Variants in ANKRD36 observed in about 807,000 individuals in gnomAD.
The protein encoded by ANKRD36 is ankyrin repeat domain-containing protein 36A.
ANKRD36 carries 179 observed loss-of-function variants against 278.1 expected under a neutral mutation model. The observed-to-expected ratio is 0.64, with a 90% CI of 0.57 to 0.73. The LOEUF (loss-of-function observed/expected upper bound fraction) is 0.73, where lower values mean the gene tolerates loss of function less well. Ranked by LOEUF, ANKRD36 falls within the 30% of genes least tolerant of loss-of-function variation. ANKRD36 has a pLI of 0.00. For missense variants in ANKRD36, 1,159 were observed against 1,956.7 expected (o/e 0.59, Z 7.69); for synonymous variants, 320 against 641.1 (o/e 0.50, Z 7.57).
At position 97,200,537 on chromosome 2, in the gene ANKRD36, A is replaced by C. The variant is rs1398593137; in HGVS notation, c.2857+12A>C. 8 of 1,547,374 alleles carry C rather than the reference A, an allele frequency of 5.2e-6. No homozygotes were observed. Among genetic ancestry groups the C allele is most frequent in the African/African-American group, 1.4e-5 (1 of 73,092 alleles). On this transcript the variant is annotated intron_variant, in intron 46 of 75. Coordinates refer to ENST00000420699, the MANE Select transcript of ANKRD36 (RefSeq NM_001354587.1). ...AATATCTAGGAAAGGTAATTTTGCGAAACACATTTAATGTCATGTTCAGTC... is the reference window on the plus strand; with the variant it reads ...AATATCTAGGAAAGGTAATTTTGCGCAACACATTTAATGTCATGTTCAGTC...
At chr2:97,248,085 A>G (rs1171722530) in intron 72 of ANKRD36, 1 of 148,158 alleles carries the variant, frequency 6.7e-6, no homozygotes, top group Non-Finnish European at 1.4e-5. Context: ...TTCTGAATGT[A>G]TAAAGAACCT....
At chr2:97,260,416 A>C (rs1321977823) in intron 75 of ANKRD36, among the ~76,000 whole-genome samples, 4 of 128,222 alleles carry the variant, frequency 3.1e-5, no homozygotes, top group Non-Finnish European at 6.2e-5. Flanking sequence ...ACACATATAC[A>C]CACACACAAA....
At chr2:97,165,017 A>G (rs1365656404) in intron 20 of ANKRD36, among the ~76,000 whole-genome samples, 1 of 152,154 alleles carries the variant, frequency 6.6e-6, no homozygotes, top group Non-Finnish European at 1.5e-5. Flanking sequence ...ACAGTGTTTT[A>G]AAACAATGAT....
At chr2:97,173,890 G>A (rs1187337748) in intron 22 of ANKRD36, among the ~76,000 whole-genome samples, 1 of 150,468 alleles carries the variant, frequency 6.6e-6, no homozygotes, top group African/African-American at 2.4e-5. Flanking sequence ...TTTTTTGAAA[G>A]CTGTGTTTGC....
intron 52 of ANKRD36, among the ~76,000 whole-genome samples, chr2:97,206,839 A>G (rs1215138552): frequency 6.6e-6 from 1 of 151,518 alleles, no homozygotes; most frequent in African/African-American, 2.4e-5. Context: ...GATTTTAGGT[A>G]TAGAAATCAG....
At chr2:97,190,921 T>C (rs1164298998) in intron 34 of ANKRD36, 57 bp from the exon 35 acceptor site, 41 of 1,588,770 alleles carry the variant, frequency 2.6e-5, no homozygotes, top group Non-Finnish European at 3.3e-5. Context: ...TGTGAATGTA[T>C]GGATAACTTT....
At chr2:97,133,626 C>G (rs2153433216) in intron 6 of ANKRD36, among the ~76,000 whole-genome samples, 1 of 151,764 alleles carries the variant, frequency 6.6e-6, no homozygotes, top group East Asian at 1.9e-4. Flanking sequence ...GCTTTATGTA[C>G]TTTTATATAC....
chr2:97,124,180 A>T (rs2037875419), intron 4 of ANKRD36, among the ~76,000 whole-genome samples: 1 of 151,988 alleles, frequency 6.6e-6, no homozygotes, highest in Non-Finnish European at 1.5e-5. Context: ...TACTGTAGAT[A>T]GGTGGCCTGA....
intron 3 of ANKRD36, among the ~76,000 whole-genome samples, chr2:97,120,952 A>C (rs1268350015): frequency 1.3e-5 from 2 of 151,880 alleles, no homozygotes; most frequent in Non-Finnish European, 2.9e-5. Context: ...TGCTGTGCAG[A>C]GGTTGCCCCT....
chr2:97,145,366 C>T (rs986617928), intron 10 of ANKRD36, among the ~76,000 whole-genome samples: 9 of 151,880 alleles, frequency 5.9e-5, no homozygotes, highest in Non-Finnish European at 1.2e-4. Flanking sequence ...CACCTGTTTC[C>T]CCTCTTTGTT....
intron 6 of ANKRD36, among the ~76,000 whole-genome samples, chr2:97,134,606 T>C (rs1574719382): frequency 6.6e-6 from 1 of 152,244 alleles, no homozygotes; most frequent in South Asian, 2.1e-4. Flanking sequence ...GACTCACTTA[T>C]AACTAGGTTC....
At chr2:97,190,469 C>A (rs2153563956) in intron 34 of ANKRD36, among the ~76,000 whole-genome samples, 1 of 151,514 alleles carries the variant, frequency 6.6e-6, no homozygotes, top group Middle Eastern at 3.4e-3. Context: ...TAGGACACTT[C>A]CACTGAAGAG....
At position 97,131,625 on chromosome 2, in the gene ANKRD36, C is replaced by T. The variant is rs188617936; in HGVS notation, c.799+4491C>T. Among the ~76,000 whole-genome samples the T allele has an allele frequency of 1.6e-4, 25 of 152,118 alleles. No homozygotes were observed. In the East Asian group the frequency reaches 4.4e-3, roughly 27 times the overall value. On this transcript the variant is annotated intron_variant, in intron 6 of 75. Transcript: ENST00000420699. ...TAAATGCAGTTTTTGACTTTTTGAC[C>T]TGTTCTATGAAGAACTGCCCTTAAC...
At position 97,248,242 on chromosome 2, in the gene ANKRD36, A is replaced by G. The variant is rs974899803; in HGVS notation, c.5559+614A>G. 8 of 114,276 alleles carry G rather than the reference A, an allele frequency of 7.0e-5. 3 individuals are homozygous for G. The highest frequency in any genetic ancestry group is 4.8e-4 in the African/African-American group (8 of 16,796). 7.1% of individuals were successfully genotyped at this position (114,276 alleles called of 1,614,324 possible). Reference sequence around the variant, plus strand: ...CTCTATATGAATATGGACAGTTAGCATTTGCCAACATGTATCTATTTTCTC... The same window carrying G: ...CTCTATATGAATATGGACAGTTAGCGTTTGCCAACATGTATCTATTTTCTC... On this transcript the variant is annotated intron_variant, in intron 72 of 75. Coordinates refer to ENST00000420699, the MANE Select transcript of ANKRD36 (RefSeq NM_001354587.1).
chr2:97,144,120 AAT>A (rs1236710939), intron 8 of ANKRD36, among the ~76,000 whole-genome samples: 1 of 152,160 alleles, frequency 6.6e-6, no homozygotes, highest in African/African-American at 2.4e-5. Context: ...TAATGGTATA[AAT>A]CCCTCTGATG....
At chr2:97,208,062 C>T in intron 54 of ANKRD36, 56 bp downstream of exon 54, 1 of 1,434,686 alleles carries the variant, frequency 7.0e-7, no homozygotes, top group Non-Finnish European at 9.4e-7. Flanking sequence ...AAGAAGTTCT[C>T]TTCCCTGAAT....
intron 3 of ANKRD36, among the ~76,000 whole-genome samples, chr2:97,121,630 A>G (rs1000776217): frequency 2.0e-5 from 3 of 152,102 alleles, no homozygotes; most frequent in Non-Finnish European, 4.4e-5. Context: ...TGGGCGACAG[A>G]GCGAGACTCC....
intron 34 of ANKRD36, among the ~76,000 whole-genome samples, chr2:97,190,474 G>A (rs1343762381): frequency 1.3e-5 from 2 of 151,582 alleles, no homozygotes; most frequent in Non-Finnish European, 2.9e-5. Flanking sequence ...CACTTCCACT[G>A]AAGAGATGCG....
intron 6 of ANKRD36, 57 bp from the exon 7 acceptor site, chr2:97,142,583 A>G: frequency 4.4e-6 from 7 of 1,603,590 alleles, no homozygotes; most frequent in Middle Eastern, 2.2e-4. Flanking sequence ...GCATGAATGT[A>G]TGGATAATTT....
Sources: allele counts gnomAD v4.1 joint callset (sites outside exome capture counted in the v4.1 genomes callset), GRCh38; gene constraint gnomAD v4.1.1; transcripts MANE v1.5; gene names NCBI Gene and HGNC (gene_info 2026-07-23, HGNC 2026-07-21).